Variants in UGT1A3 observed in about 807,000 individuals in gnomAD.
UGT1A3 encodes the protein UDP glucuronosyltransferase family 1 member A3, also known as UDP-glucuronosyltransferase 1A3.
In UGT1A3, 31 loss-of-function variants were observed where a neutral mutation model predicts 41.0. The observed-to-expected ratio is 0.76, with a 90% CI of 0.57 to 1.02. The LOEUF is 1.02. Among genes scored for constraint, UGT1A3 ranks in the 50% least tolerant of loss-of-function variants. The pLI, the probability that UGT1A3 is intolerant of heterozygous loss-of-function variation, is 0.00. For missense variants in UGT1A3, 737 were observed against 671.0 expected (o/e 1.10, Z -1.09); for synonymous variants, 262 against 257.6 (o/e 1.02, Z -0.17).
rs28900381 is a variant in UGT1A3 at position 233,747,569 on chromosome 2, T to A, written c.867+17576T>A. The A allele has an allele frequency of 1.9e-3, 2,961 of 1,591,598 alleles. 126 individuals are homozygous for A. The African/African-American group carries it at 0.036, about 19-fold the overall frequency. Reference sequence around the variant, plus strand: ...CTAAAAGTATGGCAATTTTGAAAAATTCATCTTTGGTCTTTCATAGGTCTT... The same window carrying A: ...CTAAAAGTATGGCAATTTTGAAAAAATCATCTTTGGTCTTTCATAGGTCTT... On this transcript the variant is annotated intron_variant, in intron 1 of 4. Transcript: ENST00000482026.
At chr2:233,766,487 G>A (rs1575820615) in intron 1 of UGT1A3, among the ~76,000 whole-genome samples, 1 of 152,190 alleles carries the variant, frequency 6.6e-6, no homozygotes, top group Non-Finnish European at 1.5e-5. Context: ...TGATGGGGGC[G>A]TGGCAGGCCA....
intron 1 of UGT1A3, among the ~76,000 whole-genome samples, chr2:233,751,757 T>C (rs763533308): frequency 6.6e-6 from 1 of 152,222 alleles, no homozygotes; most frequent in Non-Finnish European, 1.5e-5. Flanking sequence ...CTTGCTGCCA[T>C]GTGAGACATG....
At chr2:233,754,118 A>C (rs562649705) in intron 1 of UGT1A3, among the ~76,000 whole-genome samples, 4 of 152,236 alleles carry the variant, frequency 2.6e-5, no homozygotes, top group Non-Finnish European at 5.9e-5. Flanking sequence ...CATCACGAGC[A>C]TTTATGTGCA....
chr2:233,756,944 AC>A lies in UGT1A3; in HGVS notation c.868-10087del, dbSNP rs34531096. On this transcript the variant is annotated intron_variant, in intron 1 of 4. Transcript: ENST00000482026. ...ATAACCTCTAGTTACATAACCTGAA[AC>A]CCGGACTTGGCACTTGGTAAGCACG... 8.7e-4 allele frequency among the ~76,000 whole-genome samples: 132 copies of A among 152,140 alleles called. 1 individual carries two copies. The East Asian group carries it at 0.024, about 27-fold the overall frequency.
chr2:233,747,991 A>G (rs532442400), intron 1 of UGT1A3: 1 of 1,612,870 alleles, frequency 6.2e-7, no homozygotes, highest in Non-Finnish European at 8.5e-7. Context: ...TTCCGAGGGG[A>G]CTTTGTGATG....
At chr2:233,743,908 G>A (rs1211765828) in intron 1 of UGT1A3, 37 of 1,366,084 alleles carry the variant, frequency 2.7e-5, no homozygotes, top group Non-Finnish European at 3.4e-5. Flanking sequence ...CCTCGTAGTA[G>A]TCCACCATGC....
chr2:233,751,406 G>T (rs1694719923), intron 1 of UGT1A3, among the ~76,000 whole-genome samples: 1 of 152,120 alleles, frequency 6.6e-6, no homozygotes, highest in South Asian at 2.1e-4. Context: ...TTTGGACTAT[G>T]GACTTTTGAG....
chr2:233,768,054 A>G (rs1384127703), intron 3 of UGT1A3, 118 bp downstream of exon 3: 4 of 1,603,256 alleles, frequency 2.5e-6, no homozygotes, highest in East Asian at 4.5e-5. Context: ...CATATCCTAC[A>G]TTGCTTTTTA....
Position 233,729,149 on chromosome 2 carries a change from C to T in UGT1A3, c.23C>T (p.Pro8Leu). The T allele has an allele frequency of 1.2e-6, 2 of 1,613,488 alleles. No individual in the cohort carries two copies. Among genetic ancestry groups the T allele is most frequent in the Non-Finnish European group, 1.7e-6 (2 of 1,179,904 alleles). MATGLQVPLPWLATGLLL... is the reference protein window; with the variant it reads MATGLQVLLPWLATGLLL... ...GAGATGGCCACAGGACTCCAGGTTC[C>T]CCTGCCGTGGCTGGCCACAGGACTG... Residue 8 changes from proline (P) to leucine (L), a missense_variant, in exon 1 of 5, where the codon CCC (proline) becomes CTC (leucine). Coordinates refer to ENST00000482026, the MANE Select transcript of UGT1A3 (RefSeq NM_019093.4).
chr2:233,743,264 C>T, intron 1 of UGT1A3: 1 of 454,126 alleles, frequency 2.2e-6, no homozygotes, highest in South Asian at 1.7e-5. Context: ...CCATCTTCCT[C>T]CACTTCCACC....
Position 233,769,399 on chromosome 2 carries a change from ATGTGCGTGTGCGTT to A in UGT1A3, c.1307+966_1307+979del. On this transcript the variant is annotated intron_variant, in intron 4 of 4. Coordinates refer to ENST00000482026, the MANE Select transcript of UGT1A3 (RefSeq NM_019093.4). This position sits in a 1 kb window ranked among gnomAD's most constrained non-coding sequence, Gnocchi z 4.4. ...ATCCGACAATAGATACTGTGTGCATATGTGCGTGTGCGTTTGTGCATGTGGCTGTGCTCATGTGT... is the reference window on the plus strand; with the variant it reads ...ATCCGACAATAGATACTGTGTGCATATGTGCATGTGGCTGTGCTCATGTGT... 1 of 1,170,288 alleles carries A rather than the reference ATGTGCGTGTGCGTT, an allele frequency of 8.5e-7. No homozygotes were observed. Among genetic ancestry groups the A allele is most frequent in the Non-Finnish European group, 1.2e-6 (1 of 810,196 alleles). 72.5% of individuals were successfully genotyped at this position (1,170,288 alleles called of 1,614,324 possible).
rs769029902 is a variant in UGT1A3, at chr2:233,746,869, C to G, written c.867+16876C>G. Among the ~76,000 whole-genome samples, 366 of 151,862 alleles carry G rather than the reference C, an allele frequency of 2.4e-3. 1 individual carries two copies. Among genetic ancestry groups the G allele is most frequent in the Non-Finnish European group, 3.4e-3 (229 of 68,000 alleles). ...CAGACCTCAGCTGCAGCCTGATAAA[C>G]GTGGTTAACAGAGAAGTAGGAGGCT... On this transcript the variant is annotated intron_variant, in intron 1 of 4. Coordinates refer to ENST00000482026, the MANE Select transcript of UGT1A3 (RefSeq NM_019093.4).
intron 1 of UGT1A3, among the ~76,000 whole-genome samples, chr2:233,749,903 C>T (rs1384807685): frequency 6.6e-6 from 1 of 151,914 alleles, no homozygotes; most frequent in Non-Finnish European, 1.5e-5. Flanking sequence ...CCTCCAGCCA[C>T]CTGGAACTGT....
rs1700557066 is a variant in UGT1A3 at position 233,772,919 on chromosome 2, C to A, written c.*360C>A. On this transcript the variant is annotated 3_prime_UTR_variant, in exon 5 of 5. Coordinates refer to ENST00000482026, the MANE Select transcript of UGT1A3 (RefSeq NM_019093.4). Reference sequence around the variant, plus strand: ...CCACGGCTGCCCCTACTGCAAATGGCAGTTTTAATCTTATCTTTTGGCTTC... The same window carrying A: ...CCACGGCTGCCCCTACTGCAAATGGAAGTTTTAATCTTATCTTTTGGCTTC... 1 of 369,168 alleles carries A rather than the reference C, an allele frequency of 2.7e-6. No homozygotes were observed. Among genetic ancestry groups the A allele is most frequent in the Non-Finnish European group, 4.8e-6 (1 of 207,048 alleles). 22.9% of individuals were successfully genotyped at this position (369,168 alleles called of 1,614,324 possible).
At chr2:233,732,047 A>C (rs1159846609) in intron 1 of UGT1A3, among the ~76,000 whole-genome samples, 1 of 152,222 alleles carries the variant, frequency 6.6e-6, no homozygotes, top group Admixed American at 6.5e-5. Flanking sequence ...GATGATGAGC[A>C]TTTATTCATG....
chr2:233,760,379 T>G lies in UGT1A3; in HGVS notation c.868-6655T>G. On this transcript the variant is annotated intron_variant, in intron 1 of 4. Transcript: ENST00000482026. Reference sequence around the variant, plus strand: ...GTGGTGTCCCATGCTGGGAAGATACTGTTGATCCCAGTGGATGGCAGCCAC... The same window carrying G: ...GTGGTGTCCCATGCTGGGAAGATACGGTTGATCCCAGTGGATGGCAGCCAC... 6.2e-7 allele frequency: 1 copy of G among 1,614,196 alleles called. No homozygotes were observed. Among genetic ancestry groups the G allele is most frequent in the Non-Finnish European group, 8.5e-7 (1 of 1,180,016 alleles).
At chr2:233,750,158 G>A (rs1271989660) in intron 1 of UGT1A3, among the ~76,000 whole-genome samples, 2 of 151,878 alleles carry the variant, frequency 1.3e-5, no homozygotes, top group Non-Finnish European at 2.9e-5. Flanking sequence ...TTGTTGAATG[G>A]TTTTGACCAA....
intron 1 of UGT1A3, among the ~76,000 whole-genome samples, chr2:233,766,777 T>C (rs945359450): frequency 1.3e-5 from 2 of 152,236 alleles, no homozygotes; most frequent in Admixed American, 6.5e-5. Context: ...TGTGCTTTTC[T>C]TTTGGAAAAC....
intron 1 of UGT1A3, chr2:233,747,461 A>G (rs1413279224): frequency 3.7e-5 from 60 of 1,608,752 alleles, no homozygotes; most frequent in Admixed American, 5.0e-5. Flanking sequence ...ATGCCATTTC[A>G]TGGACCCAGG....
Sources: allele counts gnomAD v4.1 joint callset (sites outside exome capture counted in the v4.1 genomes callset), GRCh38; gene constraint gnomAD v4.1.1; non-coding constraint Gnocchi (gnomAD v3.1); transcripts MANE v1.5; gene names NCBI Gene and HGNC (gene_info 2026-07-23, HGNC 2026-07-21).